Variants in POM121C observed in about 807,000 individuals in gnomAD.
POM121C encodes POM121 transmembrane nucleoporin C.
A neutral mutation model predicts 66.4 loss-of-function variants in POM121C; 20 were observed. The ratio of observed to expected loss-of-function variants is 0.30; its 90% CI spans 0.21 to 0.44. The LOEUF is 0.44. POM121C is among the 20% of genes least tolerant of loss of function. The pLI, the probability that POM121C is intolerant of heterozygous loss-of-function variation, is 1.00. For missense variants in POM121C, 580 were observed against 1,225.7 expected (o/e 0.47, Z 7.87); for synonymous variants, 286 against 528.0 (o/e 0.54, Z 6.28).
intron 3 of POM121C, among the ~76,000 whole-genome samples, chr7:75,472,680 C>T (rs1791921628): frequency 6.6e-6 from 1 of 152,046 alleles, no homozygotes; most frequent in African/African-American, 2.4e-5. Context: ...TGGTGTGCAC[C>T]TGTAATCCCA....
rs1162009317 is a variant in POM121C, at chr7:75,486,077, TG to T, written c.-672del. The T allele has an allele frequency of 5.0e-6, 2 of 400,548 alleles. No homozygotes were observed. Among genetic ancestry groups the T allele is most frequent in the Non-Finnish European group, 9.7e-6 (2 of 206,216 alleles). 24.8% of individuals were successfully genotyped at this position (400,548 alleles called of 1,614,324 possible). ...GCCTCCCTGGGGCTCCCGGCCCCTC[TG>T]GCCCCAGCGCCGCCGGCTCCGGGGT... On this transcript the variant is annotated 5_prime_UTR_variant, in exon 1 of 15. Coordinates refer to ENST00000615331, the MANE Select transcript of POM121C (RefSeq NM_001099415.3).
At chr7:75,481,048 A>ATATAAAT (rs1792291063) in intron 1 of POM121C, among the ~76,000 whole-genome samples, 14 of 128,080 alleles carry the variant, frequency 1.1e-4, no homozygotes, top group Admixed American at 6.1e-4. Flanking sequence ...TATATATATA[A>ATATAAAT]ATATATATAT....
intron 7 of POM121C, among the ~76,000 whole-genome samples, chr7:75,434,202 G>C (rs1790303686): frequency 6.6e-6 from 1 of 152,084 alleles, no homozygotes; most frequent in Non-Finnish European, 1.5e-5. Flanking sequence ...TAAGACTCAC[G>C]GAAACAGAAC....
At chr7:75,460,718 C>A (rs587664200) in intron 3 of POM121C, among the ~76,000 whole-genome samples, 1 of 152,102 alleles carries the variant, frequency 6.6e-6, no homozygotes. Flanking sequence ...CATGTGCCAA[C>A]CAGCCAACAC....
At chr7:75,440,261 C>T (rs188688756) in intron 5 of POM121C, among the ~76,000 whole-genome samples, 6,888 of 151,968 alleles carry the variant, frequency 0.045, 165 homozygotes, top group Non-Finnish European at 0.063. Context: ...TTTCCTTCAG[C>T]ACAATTAAGA....
Position 75,424,187 on chromosome 7 carries a change from T to G in POM121C, c.910A>C (p.Thr304Pro). The change falls in exon 12 of 15, where the codon ACT becomes CCT. Residue 304 changes from threonine to proline, a missense_variant. Transcript: ENST00000615331. The part of the protein sequence containing the change: ...SNSVTETPPT[T>P]QPSFTFTLPA... ...AGGGTAAAGGTAAATGAAGGCTGAG[T>G]GGTAGGTGGGGTCTCAGTGACAGAG... 3 of 1,611,458 alleles carry G rather than the reference T, an allele frequency of 1.9e-6. No individual in the cohort carries two copies. Among genetic ancestry groups the G allele is most frequent in the Non-Finnish European group, 2.5e-6 (3 of 1,179,734 alleles).
chr7:75,486,090 G>C lies in POM121C; in HGVS notation c.-684C>G, dbSNP rs1178289676. ...TCCCGGCCCCTCTGGCCCCAGCGCC[G>C]CCGGCTCCGGGGTTCACGCTCGGGG... On this transcript the variant is annotated 5_prime_UTR_variant, in exon 1 of 15. Coordinates refer to ENST00000615331, the MANE Select transcript of POM121C (RefSeq NM_001099415.3). 8 of 375,400 alleles carry C rather than the reference G, an allele frequency of 2.1e-5. No individual in the cohort carries two copies. Among genetic ancestry groups the C allele is most frequent in the Non-Finnish European group, 3.6e-5 (7 of 195,034 alleles). The allele number at this position is 375,400 out of a possible 1,614,324, so 23.3% of individuals were successfully genotyped here. A position where few individuals can be genotyped will look rare whatever the true frequency, so the allele number is the denominator to read the frequency against.
chr7:75,468,912 C>T (rs1157775785), intron 3 of POM121C, among the ~76,000 whole-genome samples: 2 of 152,148 alleles, frequency 1.3e-5, no homozygotes, highest in African/African-American at 4.8e-5. Context: ...AAACCTAACA[C>T]GTGCAAGACC....
chr7:75,425,040 C>G (rs376549208), intron 10 of POM121C, 34 bp downstream of exon 10: 1 of 1,479,658 alleles, frequency 6.8e-7, no homozygotes, highest in Middle Eastern at 2.6e-4. Context: ...AGAGCTAAGC[C>G]GGGGAGGGCA....
At chr7:75,423,660 A>G (rs1350454143) in intron 12 of POM121C, among the ~76,000 whole-genome samples, 6 of 152,124 alleles carry the variant, frequency 3.9e-5, no homozygotes, top group African/African-American at 1.5e-4. Flanking sequence ...GGCCGGGAAC[A>G]CCAGCAGCCC....
At chr7:75,461,430 T>G (rs1299462409) in intron 3 of POM121C, among the ~76,000 whole-genome samples, 5 of 152,046 alleles carry the variant, frequency 3.3e-5, no homozygotes, top group African/African-American at 7.3e-5. Context: ...AAACAAATGT[T>G]TTTCTGAGAT....
Position 75,417,502 on chromosome 7 carries a change from T to C in POM121C, c.*1294A>G, listed in dbSNP as rs8726. On this transcript the variant is annotated 3_prime_UTR_variant, in exon 15 of 15. Transcript: ENST00000615331. ...CGCATTCATACTTCTCCCAAAGAGG[T>C]TGGGCGTGACAGCAAGGCGCTTGGG... is the stretch of plus-strand genomic sequence containing the variant. The C allele has an allele frequency of 0.22, 211,817 of 984,186 alleles. 23,539 individuals carry two copies. Among genetic ancestry groups the C allele is most frequent in the Middle Eastern group, 0.26 (493 of 1,914 alleles). 61.0% of individuals were successfully genotyped at this position (984,186 alleles called of 1,614,324 possible).
intron 1 of POM121C, among the ~76,000 whole-genome samples, chr7:75,481,025 C>CAAAA (rs199941717): frequency 1.3e-4 from 18 of 136,648 alleles, no homozygotes; most frequent in African/African-American, 3.6e-4. Context: ...TCAAATAGTT[C>CAAAA]AAAAAATATA....
chr7:75,459,211 GA>G (rs1359769027), intron 3 of POM121C, among the ~76,000 whole-genome samples: 1 of 150,268 alleles, frequency 6.7e-6, no homozygotes, highest in African/African-American at 2.4e-5. Flanking sequence ...AAAACAAATA[GA>G]AAAAAAAACT....
chr7:75,473,776 C>T (rs1791963707), intron 3 of POM121C, among the ~76,000 whole-genome samples: 1 of 151,546 alleles, frequency 6.6e-6, no homozygotes, highest in Non-Finnish European at 1.5e-5. Context: ...GCAAGCTCCG[C>T]CTCCCGTGTT....
At chr7:75,436,024 G>A (rs1362809416) in intron 7 of POM121C, among the ~76,000 whole-genome samples, 6 of 149,480 alleles carry the variant, frequency 4.0e-5, no homozygotes, top group South Asian at 2.1e-4. Flanking sequence ...GCGCTCCAGC[G>A]TGGGGAACAG....
At chr7:75,453,211 G>A (rs1338786368) in intron 3 of POM121C, among the ~76,000 whole-genome samples, 11 of 150,194 alleles carry the variant, frequency 7.3e-5, no homozygotes, top group South Asian at 2.1e-4. Context: ...TAGGAGGATC[G>A]CTTGAGGCCA....
intron 7 of POM121C, among the ~76,000 whole-genome samples, chr7:75,435,680 A>C (rs1790375246): frequency 6.6e-6 from 1 of 152,232 alleles, no homozygotes; most frequent in African/African-American, 2.4e-5. Flanking sequence ...ATAAAGACCA[A>C]ATGAATCACA....
At chr7:75,435,164 A>C (rs781787690) in intron 7 of POM121C, among the ~76,000 whole-genome samples, 1 of 152,228 alleles carries the variant, frequency 6.6e-6, no homozygotes, top group Non-Finnish European at 1.5e-5. Flanking sequence ...AGAAGACTGA[A>C]ACAACCCAAC....
Sources: gnomAD v4.1 joint callset for allele counts (sites outside exome capture counted in the v4.1 genomes callset) on GRCh38, gnomAD v4.1.1 for gene constraint, MANE v1.5 for transcripts, NCBI Gene and HGNC (gene_info 2026-07-23, HGNC 2026-07-21) for gene names.